The following LRP1B variants were observed in gnomAD, a reference collection of about 807,000 sequenced individuals.
LRP1B encodes the protein low-density lipoprotein receptor-related protein 1B.
A neutral mutation model predicts 556.6 loss-of-function variants in LRP1B; 217 were observed. That is an observed-to-expected ratio of 0.39 (90% CI 0.35 to 0.44). The LOEUF (loss-of-function observed/expected upper bound fraction) is 0.44. Ranked by LOEUF, LRP1B falls within the 20% of genes least tolerant of loss-of-function variation. LRP1B has a pLI of 1.00. For synonymous variants in LRP1B, 2,047 were observed against 1,865.8 expected, an observed-to-expected ratio of 1.10 and a Z score of -2.50; for missense variants, 5,053 against 5,620.8, an observed-to-expected ratio of 0.90 and a Z score of 3.23.
At chr2:140,592,777 C>T (rs1179167379) in intron 43 of LRP1B, among the ~76,000 whole-genome samples, 1 of 152,116 alleles carries the variant, frequency 6.6e-6, no homozygotes, top group East Asian at 1.9e-4. Context: ...CCCATCACTA[C>T]TCAAAGTAAA....
intron 3 of LRP1B, among the ~76,000 whole-genome samples, chr2:141,289,335 T>C (rs1573759503): frequency 8.2e-6 from 1 of 122,400 alleles, no homozygotes; most frequent in Non-Finnish European, 1.6e-5. Context: ...TGAGCTGAGA[T>C]CCCGCCACTG....
chr2:141,661,862 T>G (rs1173946832), intron 2 of LRP1B, among the ~76,000 whole-genome samples: 4 of 151,982 alleles, frequency 2.6e-5, no homozygotes, highest in Non-Finnish European at 5.9e-5. Context: ...GAAGAGCAAC[T>G]CCAAGACACA....
chr2:140,516,930 C>A lies in LRP1B; in HGVS notation c.8108G>T (p.Gly2703Val), dbSNP rs2104939071. The change falls in exon 50 of 91, where the codon GGT becomes GTT. Residue 2703 changes from glycine to valine, a missense_variant. Coordinates refer to ENST00000389484, the MANE Select transcript of LRP1B (RefSeq NM_018557.3). The stretch of plus-strand genomic sequence containing the variant: ...ACGTCCATCCTCACAATCTTTCTGA[C>A]CATCGCATATCCAGGTATTCAAAAT... ...RCILNTWICDGQKDCEDGRDE... is the reference protein window; with the variant it reads ...RCILNTWICDVQKDCEDGRDE... 6.2e-7 allele frequency: 1 copy of A among 1,612,998 alleles called. No individual in the cohort carries two copies. The highest frequency in any genetic ancestry group is 8.5e-7 in the Non-Finnish European group (1 of 1,179,260).
rs757031546 is a variant in LRP1B at position 140,813,705 on chromosome 2, C to T, written c.5311G>A (p.Glu1771Lys). 6.5e-5 allele frequency: 105 copies of T among 1,612,880 alleles called. No homozygotes were observed. Among genetic ancestry groups the T allele is most frequent in the Middle Eastern group, 4.9e-4 (3 of 6,078 alleles). The change falls in exon 32 of 91, where the codon GAG becomes AAG. Residue 1771 changes from glutamate (E) to lysine (K), a missense_variant. Physicochemically the swap from Glu to Lys is moderately conservative, Grantham distance 56. Coordinates refer to ENST00000389484, the MANE Select transcript of LRP1B (RefSeq NM_018557.3). Reference sequence around the variant, plus strand: ...TTTGTTAATTCTTCTTTCATTGACTCGATTACTTCTAAATTACCACCATCC... The same window carrying T: ...TTTGTTAATTCTTCTTTCATTGACTTGATTACTTCTAAATTACCACCATCC... ...NLDGGNLEVI[E>K]SMKEELTKAT...
chr2:140,857,100 C>T (rs941208727), intron 27 of LRP1B, among the ~76,000 whole-genome samples: 6 of 152,028 alleles, frequency 3.9e-5, no homozygotes, highest in Non-Finnish European at 2.9e-5. Flanking sequence ...GTCCGTTTCT[C>T]ACCAGGGAAA....
rs1322191654 is a variant in LRP1B, at chr2:140,874,108, G to T, written c.4170-5845C>A. On this transcript the variant is annotated intron_variant, in intron 25 of 90. Coordinates refer to ENST00000389484, the MANE Select transcript of LRP1B (RefSeq NM_018557.3). ...GAATGATCTGTGTAAGTCAAAATAA[G>T]AATTTATTTTTAAAAAAACAACTTT... Among the ~76,000 whole-genome samples, 4 of 151,930 alleles carry T rather than the reference G, an allele frequency of 2.6e-5. No individual in the cohort carries two copies. In the East Asian group the frequency reaches 7.8e-4, roughly 29 times the overall value.
At chr2:140,504,627 A>G (rs751936629) in intron 53 of LRP1B, among the ~76,000 whole-genome samples, 31 of 152,332 alleles carry the variant, frequency 2.0e-4, no homozygotes, top group Admixed American at 3.3e-4. Context: ...TCTTTATTAC[A>G]TCTCACATCT....
chr2:140,713,660 T>C (rs1288301501), intron 37 of LRP1B, among the ~76,000 whole-genome samples: 1 of 152,034 alleles, frequency 6.6e-6, no homozygotes, highest in African/African-American at 2.4e-5. Flanking sequence ...TAGGGAGTCC[T>C]ACCAACAATT....
chr2:141,537,624 T>A (rs1190550695), intron 2 of LRP1B, among the ~76,000 whole-genome samples: 1 of 152,152 alleles, frequency 6.6e-6, no homozygotes, highest in African/African-American at 2.4e-5. Context: ...AGTATAAATA[T>A]GTATTGCCAT....
intron 83 of LRP1B, among the ~76,000 whole-genome samples, chr2:140,306,433 A>G (rs1684070181): frequency 1.3e-5 from 2 of 151,930 alleles, no homozygotes; most frequent in South Asian, 4.1e-4. Flanking sequence ...TTTCTAGTTT[A>G]TTTGCATAGA....
chr2:141,044,563 C>G (rs1215558479), intron 11 of LRP1B, among the ~76,000 whole-genome samples: 1 of 150,098 alleles, frequency 6.7e-6, no homozygotes, highest in Non-Finnish European at 1.5e-5. Context: ...TGAACTCAAA[C>G]AAATTTACAA....
intron 2 of LRP1B, among the ~76,000 whole-genome samples, chr2:141,725,991 A>G (rs565748836): frequency 6.6e-6 from 1 of 151,998 alleles, no homozygotes; most frequent in East Asian, 1.9e-4. Context: ...ATGCTCAATA[A>G]AAACAACTCA....
intron 2 of LRP1B, among the ~76,000 whole-genome samples, chr2:141,508,841 A>C (rs970118854): frequency 3.3e-5 from 5 of 152,096 alleles, no homozygotes; most frequent in Non-Finnish European, 7.4e-5. Flanking sequence ...CTTCCCCCTT[A>C]AATTGTATTT....
intron 3 of LRP1B, among the ~76,000 whole-genome samples, chr2:141,387,054 A>G (rs1024171032): frequency 6.6e-6 from 1 of 152,050 alleles, no homozygotes; most frequent in African/African-American, 2.4e-5. Flanking sequence ...AAGATAAACT[A>G]GAAAACTGCC....
At chr2:141,701,377 G>T (rs1307584552) in intron 2 of LRP1B, among the ~76,000 whole-genome samples, 4 of 151,700 alleles carry the variant, frequency 2.6e-5, no homozygotes, top group African/African-American at 9.7e-5. Flanking sequence ...CTTTACCCTT[G>T]TCTGTATGAT....
At chr2:141,012,991 A>C (rs1381622929) in intron 14 of LRP1B, among the ~76,000 whole-genome samples, 2 of 150,226 alleles carry the variant, frequency 1.3e-5, no homozygotes, top group Non-Finnish European at 3.0e-5. Context: ...ATGAGTATTA[A>C]TAACTTATGC....
chr2:142,057,010 G>A (rs1290166394), intron 1 of LRP1B, among the ~76,000 whole-genome samples: 3 of 152,064 alleles, frequency 2.0e-5, no homozygotes, highest in Non-Finnish European at 4.4e-5. Context: ...GACAAACAAA[G>A]CAAATTGCAT....
At chr2:140,412,602 A>G (rs549048798) in intron 66 of LRP1B, among the ~76,000 whole-genome samples, 1 of 152,186 alleles carries the variant, frequency 6.6e-6, no homozygotes, top group South Asian at 2.1e-4. Flanking sequence ...AGTACCCACT[A>G]TGTGTCAGAT....
At chr2:140,575,580 G>C (rs1681488140) in intron 43 of LRP1B, among the ~76,000 whole-genome samples, 1 of 152,050 alleles carries the variant, frequency 6.6e-6, no homozygotes, top group Non-Finnish European at 1.5e-5. Context: ...ATTTTAATAA[G>C]AATGGAAGAA....
Sources: gnomAD v4.1 joint callset for allele counts (sites outside exome capture counted in the v4.1 genomes callset) on GRCh38, gnomAD v4.1.1 for gene constraint, MANE v1.5 for transcripts, NCBI Gene and HGNC (gene_info 2026-07-23, HGNC 2026-07-21) for gene names.